Variants in PPP2R2C observed in about 807,000 individuals in gnomAD.
PPP2R2C encodes the protein protein phosphatase 2, regulatory subunit B, gamma.
PPP2R2C carries 10 observed loss-of-function variants against 45.3 expected under a neutral mutation model. The ratio of observed to expected loss-of-function variants is 0.22; its 90% confidence interval spans 0.14 to 0.37. The LOEUF is 0.37. Ranked by LOEUF, PPP2R2C falls within the 10% of genes least tolerant of loss-of-function variation. The pLI, the probability that PPP2R2C is intolerant of heterozygous loss-of-function variation, is 1.00. For synonymous variants in PPP2R2C, 257 were observed against 245.4 expected (o/e 1.05, Z -0.44); for missense variants, 308 against 619.7 (o/e 0.50, Z 5.34).
chr4:6,443,442 C>A (rs888898132), intron 1 of PPP2R2C, among the ~76,000 whole-genome samples: 1 of 152,226 alleles, frequency 6.6e-6, no homozygotes, highest in Non-Finnish European at 1.5e-5. Context: ...CGCAGAGGGA[C>A]CTGGGTGTCC....
intron 1 of PPP2R2C, chr4:6,381,970 G>T: frequency 2.1e-6 from 3 of 1,454,904 alleles, no homozygotes; most frequent in Non-Finnish European, 1.8e-6. Context: ...CCCTGGGAGT[G>T]GGGGAGAGCA....
intron 1 of PPP2R2C, among the ~76,000 whole-genome samples, chr4:6,400,828 C>A (rs1717369607): frequency 6.6e-6 from 1 of 152,200 alleles, no homozygotes; most frequent in African/African-American, 2.4e-5. Context: ...TGAACTGAAG[C>A]CGTTGCTAGC....
intron 1 of PPP2R2C, among the ~76,000 whole-genome samples, chr4:6,413,182 C>T (rs1718301267): frequency 6.6e-6 from 1 of 152,126 alleles, no homozygotes; most frequent in African/African-American, 2.4e-5. Flanking sequence ...CTCTCACACT[C>T]ACATTCACAC....
At chr4:6,479,732 C>T (rs1056415237) in intron 2 of PPP2R2C, among the ~76,000 whole-genome samples, 1 of 136,004 alleles carries the variant, frequency 7.4e-6, no homozygotes, top group African/African-American at 2.5e-5. Flanking sequence ...CATGATCAGA[C>T]CTTTTTTTTT....
chr4:6,450,017 T>C (rs1456090519), intron 1 of PPP2R2C, among the ~76,000 whole-genome samples: 1 of 152,206 alleles, frequency 6.6e-6, no homozygotes, highest in Non-Finnish European at 1.5e-5. Context: ...TTCTCTTTCA[T>C]CGAGTTGCCT....
At chr4:6,405,600 C>T (rs750491978) in intron 1 of PPP2R2C, among the ~76,000 whole-genome samples, 1 of 152,126 alleles carries the variant, frequency 6.6e-6, no homozygotes, top group Admixed American at 6.5e-5. Flanking sequence ...GGCCCATTAG[C>T]AAATCCCCCA....
At chr4:6,489,435 A>C (rs1414749396) in intron 2 of PPP2R2C, among the ~76,000 whole-genome samples, 1 of 152,116 alleles carries the variant, frequency 6.6e-6, no homozygotes, top group Non-Finnish European at 1.5e-5. Flanking sequence ...CCTCATGCAG[A>C]GATGGGATTC....
intron 1 of PPP2R2C, among the ~76,000 whole-genome samples, chr4:6,398,974 G>T (rs895390721): frequency 6.6e-6 from 1 of 152,214 alleles, no homozygotes; most frequent in African/African-American, 2.4e-5. Flanking sequence ...CACACTGAGT[G>T]AAAGAAGCCA....
intron 2 of PPP2R2C, among the ~76,000 whole-genome samples, chr4:6,482,870 G>A (rs1722403186): frequency 2.0e-5 from 3 of 152,038 alleles, no homozygotes; most frequent in African/African-American, 7.2e-5. Flanking sequence ...GCCCTTTCTC[G>A]GGTTGAGTAA....
At chr4:6,421,852 G>A (rs1175722609) in intron 1 of PPP2R2C, among the ~76,000 whole-genome samples, 15 of 152,206 alleles carry the variant, frequency 9.9e-5, no homozygotes, top group Non-Finnish European at 1.3e-4. Flanking sequence ...TTTGTGAACA[G>A]GCCAGGTCTG....
At chr4:6,381,121 G>T in intron 1 of PPP2R2C, 27 bp from the exon 2 acceptor site, 1 of 1,558,178 alleles carries the variant, frequency 6.4e-7, no homozygotes, top group Non-Finnish European at 8.7e-7. Context: ...AAGACGGGAA[G>T]GGGTGGCTGT....
At chr4:6,557,191 T>A (rs1205050602) in intron 1 of PPP2R2C, among the ~76,000 whole-genome samples, 10 of 152,200 alleles carry the variant, frequency 6.6e-5, no homozygotes, top group Non-Finnish European at 1.2e-4. Flanking sequence ...AAATTCACTG[T>A]ATTGTGGTCC....
Position 6,368,288 on chromosome 4 carries a change from G to C in PPP2R2C, c.625+4235C>G, listed in dbSNP as rs1714507469. ...GAGGCCTGCAGCCAGCAGCAGGCGTGGCTGGAGAGAAATGTACACGGCTGC... is the reference window on the plus strand; with the variant it reads ...GAGGCCTGCAGCCAGCAGCAGGCGTCGCTGGAGAGAAATGTACACGGCTGC... On this transcript the variant is annotated intron_variant, in intron 5 of 8. Coordinates refer to ENST00000382599, the MANE Select transcript of PPP2R2C (RefSeq NM_020416.4). The surrounding 1 kb of genome is among the most constrained non-coding windows in gnomAD (Gnocchi z 4.2). Among the ~76,000 whole-genome samples the C allele has an allele frequency of 1.3e-5, 2 of 152,206 alleles. No homozygotes were observed. Among genetic ancestry groups the C allele is most frequent in the Non-Finnish European group, 2.9e-5 (2 of 68,036 alleles).
At chr4:6,535,678 C>T (rs1724584270) in intron 1 of PPP2R2C, among the ~76,000 whole-genome samples, 1 of 152,248 alleles carries the variant, frequency 6.6e-6, no homozygotes, top group South Asian at 2.1e-4. Flanking sequence ...TGTCTTCAAA[C>T]TTCACCCCGC....
At chr4:6,560,728 G>C (rs1725547993) in intron 1 of PPP2R2C, among the ~76,000 whole-genome samples, 1 of 152,232 alleles carries the variant, frequency 6.6e-6, no homozygotes, top group African/African-American at 2.4e-5. Flanking sequence ...TGCTTGGAAG[G>C]GGCTCGTGCT....
At chr4:6,459,491 T>C (rs1721213210) in intron 1 of PPP2R2C, among the ~76,000 whole-genome samples, 1 of 152,144 alleles carries the variant, frequency 6.6e-6, no homozygotes, top group Admixed American at 6.5e-5. Flanking sequence ...AAATCAATGC[T>C]ACCAGAAACA....
At chr4:6,548,201 G>T (rs990860513) in intron 1 of PPP2R2C, among the ~76,000 whole-genome samples, 2 of 151,972 alleles carry the variant, frequency 1.3e-5, no homozygotes, top group Non-Finnish European at 2.9e-5. Flanking sequence ...CGGGGCAACA[G>T]AGTGAGACTC....
chr4:6,427,575 C>A (rs1019192342), intron 1 of PPP2R2C, among the ~76,000 whole-genome samples: 1 of 152,242 alleles, frequency 6.6e-6, no homozygotes, highest in African/African-American at 2.4e-5. Context: ...CCTGGCCAAG[C>A]CTTCTTCTTG....
In PPP2R2C at chr4:6,539,507, G is replaced by C. The variant is rs536135384; in HGVS notation, c.-58-4130C>G. Among the ~76,000 whole-genome samples, 3 of 152,300 alleles carry C rather than the reference G, an allele frequency of 2.0e-5. No individual in the cohort carries two copies. In the South Asian group the frequency reaches 6.2e-4, roughly 32 times the overall value. ...TCTCCCAAGTCTAGTGTAACTTCCA[G>C]ACTATTTCAATGACTGAGCTTTATA... is the stretch of plus-strand genomic sequence containing the variant. On this transcript the variant is annotated intron_variant, in intron 1 of 9. Transcript: ENST00000506140.
Sources: gnomAD v4.1 joint callset for allele counts (sites outside exome capture counted in the v4.1 genomes callset) on GRCh38, gnomAD v4.1.1 for gene constraint, Gnocchi (gnomAD v3.1) non-coding constraint, MANE v1.5 for transcripts, NCBI Gene and HGNC (gene_info 2026-07-23, HGNC 2026-07-21) for gene names.